The following ATG10 variants were observed in gnomAD, a reference collection of about 807,000 sequenced individuals.
ATG10 encodes ubiquitin-like-conjugating enzyme ATG10.
ATG10 carries 30 observed loss-of-function variants against 32.1 expected under a neutral mutation model. The ratio of observed to expected loss-of-function variants is 0.94; its 90% CI spans 0.70 to 1.27. The LOEUF (loss-of-function observed/expected upper bound fraction) is 1.27, where lower values mean the gene tolerates loss of function less well. Ranked by LOEUF, ATG10 falls within the 50% of genes most tolerant of loss-of-function variation. The pLI is 0.00. For missense variants in ATG10, 233 were observed against 262.3 expected, an observed-to-expected ratio of 0.89 and a Z score of 0.77; for synonymous variants, 87 against 91.5, an observed-to-expected ratio of 0.95 and a Z score of 0.28.
At chr5:82,161,961 T>G (rs138401418) in intron 3 of ATG10, among the ~76,000 whole-genome samples, 1 of 152,040 alleles carries the variant, frequency 6.6e-6, no homozygotes, top group African/African-American at 2.4e-5. Flanking sequence ...ACTTAGAAGC[T>G]ATAAACAGAA....
intron 3 of ATG10, among the ~76,000 whole-genome samples, chr5:82,137,413 TG>T (rs1465607678): frequency 1.3e-5 from 2 of 152,212 alleles, no homozygotes; most frequent in African/African-American, 2.4e-5. Flanking sequence ...TCATCCTTTT[TG>T]TTGATATTGA....
chr5:82,162,400 A>G (rs906152709), intron 3 of ATG10, among the ~76,000 whole-genome samples: 4 of 152,196 alleles, frequency 2.6e-5, no homozygotes, highest in African/African-American at 9.6e-5. Context: ...TATTTATTGG[A>G]TATAGGAAAA....
At chr5:82,047,144 C>T (rs565989581) in intron 2 of ATG10, among the ~76,000 whole-genome samples, 6 of 152,060 alleles carry the variant, frequency 3.9e-5, no homozygotes, top group African/African-American at 1.4e-4. Flanking sequence ...TAGCAGGCCC[C>T]CCATGTCCCC....
chr5:82,205,684 G>T (rs1262818749), intron 5 of ATG10, among the ~76,000 whole-genome samples: 1 of 152,182 alleles, frequency 6.6e-6, no homozygotes, highest in African/African-American at 2.4e-5. Flanking sequence ...TAGAACAAAT[G>T]GAAAAGATTT....
At position 82,212,169 on chromosome 5, in the gene ATG10, A is replaced by G. The variant is rs569323230; in HGVS notation, c.453+33582A>G. Among the ~76,000 whole-genome samples the G allele has an allele frequency of 1.6e-4, 25 of 152,348 alleles. No individual in the cohort carries two copies. The East Asian group carries it at 4.8e-3, about 29-fold the overall frequency. On this transcript the variant is annotated intron_variant, in intron 5 of 7. Transcript: ENST00000282185. ...CCTACTTATACCTCATAGTGAGAAT[A>G]GATATAATCAGAAGAGAGCCACCTT...
chr5:82,023,118 A>G lies in ATG10; in HGVS notation c.109-35377A>G, dbSNP rs558706167. 1.2e-3 allele frequency among the ~76,000 whole-genome samples: 175 copies of G among 152,078 alleles called. 2 individuals carry two copies. The highest frequency in any genetic ancestry group is 2.3e-3 in the Admixed American group (35 of 15,274). ...TCAATGTGTAGAATTGAAACAAGAA[A>G]GTAGCAATTGGGCAGATTCTTCCAG... On this transcript the variant is annotated intron_variant, in intron 2 of 7. Transcript: ENST00000282185.
At chr5:82,061,905 C>T (rs1263694026) in intron 3 of ATG10, among the ~76,000 whole-genome samples, 1 of 138,134 alleles carries the variant, frequency 7.2e-6, no homozygotes, top group African/African-American at 2.7e-5. Context: ...TCATAGCTCA[C>T]TGAATCATCT....
At chr5:82,141,190 CCT>C (rs1767113621) in intron 3 of ATG10, among the ~76,000 whole-genome samples, 1 of 147,178 alleles carries the variant, frequency 6.8e-6, no homozygotes, top group Admixed American at 6.8e-5. Context: ...GCCAAATACC[CCT>C]CTGTGAGAAA....
At chr5:82,084,855 C>T (rs1374247547) in intron 3 of ATG10, among the ~76,000 whole-genome samples, 2 of 152,164 alleles carry the variant, frequency 1.3e-5, no homozygotes, top group Non-Finnish European at 2.9e-5. Flanking sequence ...AAAGGAACAA[C>T]GGTACCAGCC....
intron 4 of ATG10, among the ~76,000 whole-genome samples, chr5:82,168,957 C>T (rs2149907264): frequency 6.6e-6 from 1 of 152,192 alleles, no homozygotes; most frequent in East Asian, 1.9e-4. Context: ...TGTCCAACAA[C>T]TTGTAGAGGA....
At chr5:82,242,796 G>T in intron 5 of ATG10, 1 of 448,250 alleles carries the variant, frequency 2.2e-6, no homozygotes, top group South Asian at 1.6e-5. Flanking sequence ...ACTACCTACA[G>T]ATCTTCACCA....
intron 3 of ATG10, among the ~76,000 whole-genome samples, chr5:82,139,428 G>A (rs1766941807): frequency 6.9e-6 from 1 of 145,254 alleles, no homozygotes; most frequent in Admixed American, 6.7e-5. Context: ...ATCACATCTA[G>A]GAAGTGAGGA....
At chr5:82,093,043 G>A (rs934385724) in intron 3 of ATG10, among the ~76,000 whole-genome samples, 5 of 152,148 alleles carry the variant, frequency 3.3e-5, no homozygotes, top group Admixed American at 6.6e-5. Flanking sequence ...TAAATTTGGT[G>A]ACTATACTTG....
chr5:82,209,328 C>T (rs1305903164), intron 5 of ATG10, among the ~76,000 whole-genome samples: 1 of 152,016 alleles, frequency 6.6e-6, no homozygotes, highest in Non-Finnish European at 1.5e-5. Context: ...TATGTTGAAA[C>T]CTATGCATCC....
intron 5 of ATG10, among the ~76,000 whole-genome samples, chr5:82,198,814 A>G (rs937894623): frequency 3.9e-5 from 6 of 152,240 alleles, no homozygotes; most frequent in Admixed American, 6.5e-5. Flanking sequence ...ACTCTTCTGA[A>G]GACCGAGCAT....
chr5:82,104,438 T>C (rs1765382541), intron 3 of ATG10, among the ~76,000 whole-genome samples: 2 of 152,172 alleles, frequency 1.3e-5, no homozygotes. Flanking sequence ...AAATACTTTT[T>C]TTTTTCAGTT....
intron 2 of ATG10, chr5:81,992,160 T>C (rs1272896607): frequency 6.6e-6 from 1 of 152,188 alleles, no homozygotes; most frequent in Non-Finnish European, 1.5e-5. Context: ...CAGCTAATTT[T>C]TTAATTTTTG....
At chr5:82,114,666 A>G (rs1179918734) in intron 3 of ATG10, among the ~76,000 whole-genome samples, 2 of 152,000 alleles carry the variant, frequency 1.3e-5, no homozygotes, top group African/African-American at 4.8e-5. Flanking sequence ...AAGTCTAAGG[A>G]CCAGGAATGG....
At chr5:82,084,264 A>G (rs1405302373) in intron 3 of ATG10, among the ~76,000 whole-genome samples, 1 of 152,212 alleles carries the variant, frequency 6.6e-6, no homozygotes, top group Admixed American at 6.5e-5. Context: ...AAATGAAGCA[A>G]GAAGAGAAGT....
Sources: allele counts gnomAD v4.1 joint callset (sites outside exome capture counted in the v4.1 genomes callset), GRCh38; gene constraint gnomAD v4.1.1; transcripts MANE v1.5; gene names NCBI Gene and HGNC (gene_info 2026-07-23, HGNC 2026-07-21).